Variants in DOCK4 observed in about 807,000 individuals in gnomAD.
The protein encoded by DOCK4 is dedicator of cytokinesis 4.
A neutral mutation model predicts 268.1 loss-of-function variants in DOCK4; 97 were observed. The observed-to-expected ratio is 0.36, with a 90% CI of 0.31 to 0.43. The LOEUF (loss-of-function observed/expected upper bound fraction) is 0.43. Among genes scored for constraint, DOCK4 ranks in the 20% least tolerant of loss-of-function variants. The pLI, the probability that DOCK4 is intolerant of heterozygous loss-of-function variation, is 1.00. For missense variants in DOCK4, 2,145 were observed against 2,455.7 expected (o/e 0.87, Z 2.67); for synonymous variants, 954 against 887.2 (o/e 1.08, Z -1.34).
chr7:111,747,334 G>T lies in DOCK4; in HGVS notation c.4526C>A (p.Pro1509His). The change falls in exon 43 of 53, where the codon CCC becomes CAC. Residue 1509 changes from proline to histidine, a missense_variant. Physicochemically the swap from Pro to His is moderately conservative, Grantham distance 77. Coordinates refer to ENST00000428084, the MANE Select transcript of DOCK4 (RefSeq NM_001363540.2). ...CQTRQMQNIN[P>H]LTMCLNGVID... ...AACTCCATTCAGGCACATAGTCAGG[G>T]GATTAATATTCTGCATCTGTCTTGT... The T allele has an allele frequency of 6.2e-7, 1 of 1,613,546 alleles. No homozygotes were observed. The highest frequency in any genetic ancestry group is 8.5e-7 in the Non-Finnish European group (1 of 1,179,760).
rs745351021 is a variant in DOCK4 at position 111,790,569 on chromosome 7, C to T, written c.3203G>A (p.Gly1068Asp). 60 of 1,613,512 alleles carry T rather than the reference C, an allele frequency of 3.7e-5. No homozygotes were observed. The highest frequency in any genetic ancestry group is 4.9e-5 in the Non-Finnish European group (58 of 1,179,808). The change falls in exon 31 of 53, where the codon GGC (glycine) becomes GAC (aspartate). Residue 1068 changes from glycine to aspartate, a missense_variant. By Grantham distance (94) the Gly-to-Asp change is moderately conservative (BLOSUM62 -1). This residue lies in a region of DOCK4 where 1,598 missense variants were observed against 1,986.7 expected (regional missense o/e 0.80). Transcript: ENST00000428084. ...HKLHFIPALIGPFLEVTLIPQ... is the reference protein window; with the variant it reads ...HKLHFIPALIDPFLEVTLIPQ... ...TATCAAGGTCACTTCTAGGAAGGGG[C>T]CAATCAGGGCAGGGATAAAATGAAG...
Position 111,745,917 on chromosome 7 carries a change from C to T in DOCK4, c.4677+417G>A, listed in dbSNP as rs78520023. Among the ~76,000 whole-genome samples the T allele has an allele frequency of 4.9e-4, 74 of 151,968 alleles. 1 individual carries two copies. The East Asian group carries it at 0.013, about 26-fold the overall frequency. ...CCAACCTCACGTGATGGGTTGCAGT[C>T]GAAACTTCATGCACAAAATTATTAA... On this transcript the variant is annotated intron_variant, in intron 44 of 52. Coordinates refer to ENST00000428084, the MANE Select transcript of DOCK4 (RefSeq NM_001363540.2).
intron 44 of DOCK4, among the ~76,000 whole-genome samples, chr7:111,745,183 G>A (rs748530605): frequency 3.9e-5 from 6 of 152,234 alleles, no homozygotes; most frequent in Admixed American, 2.0e-4. Flanking sequence ...AATAAACCAC[G>A]CTTCTCTGGG....
intron 17 of DOCK4, among the ~76,000 whole-genome samples, chr7:111,873,815 GTTT>G (rs1217937189): frequency 6.6e-6 from 1 of 152,108 alleles, no homozygotes; most frequent in African/African-American, 2.4e-5. Context: ...AAACAGGAAT[GTTT>G]ATCTGCAACA....
chr7:111,790,017 AT>A (rs1799419865), intron 31 of DOCK4, among the ~76,000 whole-genome samples: 1 of 152,182 alleles, frequency 6.6e-6, no homozygotes, highest in African/African-American at 2.4e-5. Flanking sequence ...TCTCCTTTAA[AT>A]TAATTCTCAA....
At chr7:111,930,426 AG>A (rs1423840687) in intron 12 of DOCK4, among the ~76,000 whole-genome samples, 26 of 152,324 alleles carry the variant, frequency 1.7e-4, no homozygotes, top group African/African-American at 6.3e-4. Context: ...TGAAGCATAA[AG>A]GGCCTGGAAA....
In DOCK4 at chr7:111,887,767, T is replaced by TAA. The variant is rs34109488; in HGVS notation, c.1587+7843_1587+7844dup. 4.5e-3 allele frequency among the ~76,000 whole-genome samples: 672 copies of TAA among 147,730 alleles called. 11 individuals are homozygous for TAA. Among genetic ancestry groups the TAA allele is most frequent in the African/African-American group, 0.015 (620 of 40,074 alleles). ...ATGGTGCCTATTTAAAAAAAATTATTAAAAAAAAAAGGCTTGAGCATGTTT... is the reference window on the plus strand; with the variant it reads ...ATGGTGCCTATTTAAAAAAAATTATTAAAAAAAAAAAAGGCTTGAGCATGTTT... On this transcript the variant is annotated intron_variant, in intron 16 of 52. Transcript: ENST00000428084.
chr7:111,941,382 C>CTGAT (rs1562917961), intron 10 of DOCK4, among the ~76,000 whole-genome samples: 1 of 152,050 alleles, frequency 6.6e-6, no homozygotes, highest in East Asian at 1.9e-4. Context: ...CCTACTTTTA[C>CTGAT]TTACACAACT....
intron 1 of DOCK4, among the ~76,000 whole-genome samples, chr7:112,052,437 T>C (rs1422293258): frequency 2.6e-5 from 4 of 152,184 alleles, no homozygotes; most frequent in African/African-American, 9.7e-5. Flanking sequence ...TCATTGAATA[T>C]TCTTTCCTGT....
chr7:111,881,600 T>C (rs2134290711), intron 16 of DOCK4, among the ~76,000 whole-genome samples: 1 of 152,280 alleles, frequency 6.6e-6, no homozygotes, highest in African/African-American at 2.4e-5. Context: ...AGGAAATCAA[T>C]ATATCAAAGA....
intron 1 of DOCK4, among the ~76,000 whole-genome samples, chr7:112,048,049 T>C (rs1015689068): frequency 3.3e-5 from 5 of 152,100 alleles, no homozygotes; most frequent in African/African-American, 1.2e-4. Context: ...TCGTGGCCTA[T>C]TATGTGAGTA....
intron 4 of DOCK4, among the ~76,000 whole-genome samples, chr7:111,995,054 CAG>C (rs1176421698): frequency 7.7e-6 from 1 of 129,154 alleles, no homozygotes; most frequent in Non-Finnish European, 1.6e-5. Context: ...TTTTTGAGAA[CAG>C]AGTCTTGCTC....
chr7:111,920,817 C>T (rs1793056983), intron 12 of DOCK4, among the ~76,000 whole-genome samples: 1 of 151,646 alleles, frequency 6.6e-6, no homozygotes, highest in Non-Finnish European at 1.5e-5. Context: ...GAATATAAAA[C>T]AGAATGGATT....
intron 11 of DOCK4, 93 bp from the exon 12 acceptor site, chr7:111,935,721 T>C: frequency 9.1e-7 from 1 of 1,093,526 alleles, no homozygotes; most frequent in Non-Finnish European, 1.4e-6. Context: ...TTATAACCAC[T>C]ATAATGTACC....
chr7:111,956,396 T>A (rs1284236182), intron 8 of DOCK4, among the ~76,000 whole-genome samples: 1 of 152,196 alleles, frequency 6.6e-6, no homozygotes, highest in Non-Finnish European at 1.5e-5. Context: ...AAATCGTTCA[T>A]GCATTTACTA....
chr7:111,818,924 C>T (rs1801768052), intron 27 of DOCK4, among the ~76,000 whole-genome samples: 1 of 152,212 alleles, frequency 6.6e-6, no homozygotes, highest in African/African-American at 2.4e-5. Context: ...GAACAATGTT[C>T]ACTTCATAAC....
rs915360519 is a variant in DOCK4, at chr7:111,940,154, C to T, written c.933G>A (p.Leu311=). 13 of 1,614,004 alleles carry T rather than the reference C, an allele frequency of 8.1e-6. No individual in the cohort carries two copies. The highest frequency in any genetic ancestry group is 1.1e-5 in the Non-Finnish European group (13 of 1,179,894). Residue 311 remains leucine (L), a synonymous_variant, in exon 11 of 53, where the codon CTG becomes CTA. Transcript: ENST00000428084. The part of the protein sequence containing the change: ...FGCAVLSIAD[L]LTGETKDDLI... ...GGTCATCCTTTGTCTCTCCTGTTAG[C>T]AGGTCAGCGATGCTAAGAACTGCAC... is the stretch of plus-strand genomic sequence containing the variant.
intron 8 of DOCK4, among the ~76,000 whole-genome samples, chr7:111,973,187 A>ATATATATATATATATAT (rs1263648543): frequency 6.0e-5 from 8 of 133,032 alleles, no homozygotes; most frequent in Non-Finnish European, 8.1e-5. Context: ...ATATATATAT[A>ATATATATATATATATAT]ATATTTTCTT....
chr7:111,939,725 AG>A (rs1453823263), intron 11 of DOCK4, among the ~76,000 whole-genome samples: 1 of 152,184 alleles, frequency 6.6e-6, no homozygotes, highest in Non-Finnish European at 1.5e-5. Flanking sequence ...CACCTAGAGT[AG>A]GATGGAAGTC....
Sources: allele counts gnomAD v4.1 joint callset (sites outside exome capture counted in the v4.1 genomes callset), GRCh38; gene constraint gnomAD v4.1.1; regional missense constraint gnomAD v4.1.1; transcripts MANE v1.5; gene names NCBI Gene and HGNC (gene_info 2026-07-23, HGNC 2026-07-21).